The following RAP1GAP variants were observed in gnomAD, a reference collection of about 807,000 sequenced individuals.
RAP1GAP encodes RAP1 GTPase activating protein.
A neutral mutation model predicts 87.2 loss-of-function variants in RAP1GAP; 35 were observed. That is an observed-to-expected ratio of 0.40 (90% CI 0.31 to 0.53). The LOEUF (loss-of-function observed/expected upper bound fraction) is 0.53. RAP1GAP is among the 20% of genes least tolerant of loss of function. The pLI, the probability that RAP1GAP is intolerant of heterozygous loss-of-function variation, is 0.48. For synonymous variants in RAP1GAP, 375 were observed against 363.9 expected, an observed-to-expected ratio of 1.03 and a Z score of -0.35; for missense variants, 734 against 898.9, an observed-to-expected ratio of 0.82 and a Z score of 2.35.
chr1:21,612,012 G>C lies in RAP1GAP; in HGVS notation c.612+14C>G. 1 of 1,535,806 alleles carries C rather than the reference G, an allele frequency of 6.5e-7. No homozygotes were observed. Among genetic ancestry groups the C allele is most frequent in the South Asian group, 1.2e-5 (1 of 84,440 alleles). On this transcript the variant is annotated intron_variant, in intron 11 of 24. Transcript: ENST00000374765. ...GCCAGGTGGGGAGGGGCGGCAGGGA[G>C]GAGGTGAGCACACCTGCCCAAGCTT...
At chr1:21,612,715 G>T (rs900187141) in intron 10 of RAP1GAP, among the ~76,000 whole-genome samples, 7 of 152,188 alleles carry the variant, frequency 4.6e-5, no homozygotes, top group Non-Finnish European at 1.0e-4. Flanking sequence ...GCTCATCCAA[G>T]GCAGAAGCCC....
At chr1:21,650,870 C>T (rs1422408919) in intron 1 of RAP1GAP, among the ~76,000 whole-genome samples, 1 of 146,804 alleles carries the variant, frequency 6.8e-6, no homozygotes, top group Non-Finnish European at 1.5e-5. Flanking sequence ...AGTTGAGCGT[C>T]CACAAGGGGA....
In RAP1GAP at chr1:21,603,735, G is replaced by T. The variant is rs1325346492; in HGVS notation, c.1429-822C>A. The T allele has an allele frequency of 4.6e-6, 6 of 1,315,400 alleles. No individual in the cohort carries two copies. In the Admixed American group the frequency reaches 5.0e-5, roughly 11 times the overall value. The allele number at this position is 1,315,400 out of a possible 1,614,324, so 81.5% of individuals were successfully genotyped here. A position where few individuals can be genotyped will look rare whatever the true frequency, so the allele number is the denominator to read the frequency against. On this transcript the variant is annotated intron_variant, in intron 18 of 24. Transcript: ENST00000374765. The surrounding 1 kb of genome is among the most constrained non-coding windows in gnomAD (Gnocchi z 6.0). Reference sequence around the variant, plus strand: ...GCACGCCCTGGGGCCTGTCCCGGGGGCAGAGGGGCAACGTCCCCAATATGG... The same window carrying T: ...GCACGCCCTGGGGCCTGTCCCGGGGTCAGAGGGGCAACGTCCCCAATATGG...
In RAP1GAP at chr1:21,603,167, T is replaced by C. The variant is rs2070513778; in HGVS notation, c.1429-254A>G. ...ATACTGGCCCAGGATTAGGACAGCATCCTGAGGGGGCTAGGGTGGGAGGAG... is the reference window on the plus strand; with the variant it reads ...ATACTGGCCCAGGATTAGGACAGCACCCTGAGGGGGCTAGGGTGGGAGGAG... On this transcript the variant is annotated intron_variant, in intron 18 of 24. Transcript: ENST00000374765. The surrounding 1 kb of genome is among the most constrained non-coding windows in gnomAD (Gnocchi z 6.0). The C allele has an allele frequency of 4.1e-6, 2 of 489,130 alleles. No homozygotes were observed. Among genetic ancestry groups the C allele is most frequent in the East Asian group, 6.6e-5 (2 of 30,330 alleles). 30.3% of individuals were successfully genotyped at this position (489,130 alleles called of 1,614,324 possible). A position where few individuals can be genotyped will look rare whatever the true frequency, so the allele number is the denominator to read the frequency against.
chr1:21,666,099 G>A (rs1242501963), intron 1 of RAP1GAP, among the ~76,000 whole-genome samples: 4 of 152,190 alleles, frequency 2.6e-5, no homozygotes, highest in Admixed American at 6.5e-5. Context: ...TGTGAGTGCC[G>A]AGGGAGCATG....
At chr1:21,633,817 G>A (rs559347138) in intron 2 of RAP1GAP, among the ~76,000 whole-genome samples, 7 of 152,282 alleles carry the variant, frequency 4.6e-5, no homozygotes, top group Admixed American at 4.6e-4. Context: ...GGTCTTCCTG[G>A]TTTCCAGGAG....
At chr1:21,614,522 A>C (rs1248691838) in intron 7 of RAP1GAP, among the ~76,000 whole-genome samples, 2 of 152,166 alleles carry the variant, frequency 1.3e-5, no homozygotes, top group Non-Finnish European at 2.9e-5. Context: ...TCAATGAGCA[A>C]AAGCTGATTG....
At chr1:21,637,762 G>C (rs867464269) in intron 2 of RAP1GAP, among the ~76,000 whole-genome samples, 44 of 152,202 alleles carry the variant, frequency 2.9e-4, no homozygotes, top group African/African-American at 1.0e-3. Flanking sequence ...AAGGGGGTTT[G>C]AGGCATATTG....
In RAP1GAP at chr1:21,612,021, C is replaced by T. The variant is rs988716231; in HGVS notation, c.612+5G>A. The T allele has an allele frequency of 6.5e-7, 1 of 1,547,406 alleles. No individual in the cohort carries two copies. Among genetic ancestry groups the T allele is most frequent in the Non-Finnish European group, 8.8e-7 (1 of 1,141,140 alleles). ...GGAGGGGCGGCAGGGAGGAGGTGAG[C>T]ACACCTGCCCAAGCTTCTGATAAAT... On this transcript the variant is annotated splice_donor_5th_base_variant and intron_variant, in intron 11 of 24. Coordinates refer to ENST00000374765, the MANE Select transcript of RAP1GAP (RefSeq NM_002885.4).
intron 1 of RAP1GAP, chr1:21,651,839 C>G: frequency 8.7e-7 from 1 of 1,147,038 alleles, no homozygotes; most frequent in Non-Finnish European, 1.1e-6. Context: ...GCCGCCGCCG[C>G]CCGGCCCGGC....
chr1:21,598,178 T>G, intron 22 of RAP1GAP, 114 bp from the exon 23 acceptor site: 1 of 783,424 alleles, frequency 1.3e-6, no homozygotes, highest in Non-Finnish European at 2.0e-6. Context: ...CTTAACTTTC[T>G]TCCTTGCCAT....
At chr1:21,651,947 A>C in intron 1 of RAP1GAP, 2 of 828,894 alleles carry the variant, frequency 2.4e-6, no homozygotes, top group Non-Finnish European at 2.9e-6. Context: ...TCCGCGCCCC[A>C]GCGGGCCGCG....
At chr1:21,597,352 CCT>C (rs1645634273) in intron 24 of RAP1GAP, 88 bp from the exon 25 acceptor site, 1 of 268,270 alleles carries the variant, frequency 3.7e-6, no homozygotes, top group Non-Finnish European at 7.1e-6. Flanking sequence ...CAAGTCCCTG[CCT>C]CAGAGAACCC....
chr1:21,664,788 T>C (rs1367866891), intron 1 of RAP1GAP, among the ~76,000 whole-genome samples: 3 of 152,164 alleles, frequency 2.0e-5, no homozygotes, highest in African/African-American at 7.2e-5. Context: ...TGGATGTTTT[T>C]AGAAAAGATT....
chr1:21,656,295 GT>G (rs2096854802), intron 1 of RAP1GAP, among the ~76,000 whole-genome samples: 1 of 151,518 alleles, frequency 6.6e-6, no homozygotes, highest in Non-Finnish European at 1.5e-5. Flanking sequence ...GCTGGGCGTG[GT>G]GGCACCCAGC....
At position 21,617,395 on chromosome 1, in the gene RAP1GAP, C is replaced by T. The variant is rs865776262; in HGVS notation, c.202G>A (p.Glu68Lys). 17 of 1,603,078 alleles carry T rather than the reference C, an allele frequency of 1.1e-5. No homozygotes were observed. Among genetic ancestry groups the T allele is most frequent in the Middle Eastern group, 3.3e-4 (2 of 6,064 alleles). Residue 68 changes from glutamate (E) to lysine (K), a missense_variant, in exon 7 of 25, where the codon GAG becomes AAG. Glu to Lys is a moderately conservative substitution (Grantham distance 56). Coordinates refer to ENST00000374765, the MANE Select transcript of RAP1GAP (RefSeq NM_002885.4). ...GTNHEITSIP[E>K]TEPLQSPTTK... ...GTGGGCGACTGCAGTGGCTCTGTCT[C>T]GGGGATGCTGGTGATTTCGTGGTTG...
chr1:21,627,335 C>T (rs2092517075), intron 2 of RAP1GAP, among the ~76,000 whole-genome samples: 1 of 151,884 alleles, frequency 6.6e-6, no homozygotes, highest in Non-Finnish European at 1.5e-5. Flanking sequence ...GGGGCTGCCA[C>T]ACCCCAAGAG....
intron 17 of RAP1GAP, 76 bp from the exon 18 acceptor site, chr1:21,606,273 C>A: frequency 6.6e-7 from 1 of 1,518,222 alleles, no homozygotes; most frequent in Admixed American, 2.0e-5. Flanking sequence ...GGAGCCCAGG[C>A]ATCTGGTCTC....
chr1:21,617,291 C>G lies in RAP1GAP; in HGVS notation c.291+15G>C, dbSNP rs1400032988. 1.9e-6 allele frequency: 3 copies of G among 1,557,594 alleles called. No homozygotes were observed. Among genetic ancestry groups the G allele is most frequent in the Non-Finnish European group, 1.7e-6 (2 of 1,150,086 alleles). On this transcript the variant is annotated intron_variant, in intron 7 of 24. Transcript: ENST00000374765. ...CCCACCCCAGCCAGCCCCGCTGCAC[C>G]AGCCGGCCACCCACCTTGCCGAGAA...
Sources: gnomAD v4.1 joint callset for allele counts (sites outside exome capture counted in the v4.1 genomes callset) on GRCh38, gnomAD v4.1.1 for gene constraint, Gnocchi (gnomAD v3.1) non-coding constraint, MANE v1.5 for transcripts, NCBI Gene and HGNC (gene_info 2026-07-23, HGNC 2026-07-21) for gene names.